The following RALGAPA1 variants were observed in gnomAD, a reference collection of about 807,000 sequenced individuals.
RALGAPA1 encodes the protein Ral GTPase activating protein catalytic subunit alpha 1.
Under a neutral mutation model 269.6 loss-of-function variants are expected in RALGAPA1, and 52 were observed. The observed-to-expected ratio is 0.19, with a 90% CI of 0.15 to 0.24. The LOEUF (loss-of-function observed/expected upper bound fraction) is 0.24, where lower values mean the gene tolerates loss of function less well. RALGAPA1 is among the 10% of genes least tolerant of loss of function. The pLI is 1.00. For synonymous variants in RALGAPA1, 817 were observed against 1,008.3 expected (o/e 0.81, Z 3.60); for missense variants, 1,917 against 3,013.9 (o/e 0.64, Z 8.52).
At chr14:35,601,781 G>A (rs2059305439) in intron 36 of RALGAPA1, among the ~76,000 whole-genome samples, 1 of 152,090 alleles carries the variant, frequency 6.6e-6, no homozygotes, top group South Asian at 2.1e-4. Flanking sequence ...AATGTCTTAT[G>A]CTTATTGTAC....
At chr14:35,707,269 T>C (rs2067892144) in intron 16 of RALGAPA1, 1 of 152,198 alleles carries the variant, frequency 6.6e-6, no homozygotes, top group Admixed American at 6.5e-5. Context: ...TAAATAATCA[T>C]GTCATCTACA....
intron 1 of RALGAPA1, among the ~76,000 whole-genome samples, chr14:35,796,182 C>A (rs1288994929): frequency 6.6e-6 from 1 of 151,886 alleles, no homozygotes; most frequent in East Asian, 1.9e-4. Flanking sequence ...TAAGAAGACA[C>A]ATAGATGATA....
intron 36 of RALGAPA1, among the ~76,000 whole-genome samples, chr14:35,598,817 T>C (rs1039763026): frequency 1.1e-4 from 17 of 152,230 alleles, no homozygotes; most frequent in Non-Finnish European, 2.2e-4. Context: ...AATTGGTACA[T>C]TTAGATCATT....
intron 13 of RALGAPA1, among the ~76,000 whole-genome samples, chr14:35,727,554 A>AT (rs2070080642): frequency 1.3e-5 from 2 of 151,914 alleles, no homozygotes; most frequent in African/African-American, 4.8e-5. Flanking sequence ...TTTCCAATCA[A>AT]TTAGACAACT....
At chr14:35,631,013 C>T (rs1363875692) in intron 33 of RALGAPA1, among the ~76,000 whole-genome samples, 2 of 152,044 alleles carry the variant, frequency 1.3e-5, no homozygotes, top group Non-Finnish European at 2.9e-5. Flanking sequence ...TTCAATCCTT[C>T]ATTTTTAAGA....
chr14:35,685,680 G>C (rs1260655121), intron 19 of RALGAPA1, among the ~76,000 whole-genome samples: 1 of 152,200 alleles, frequency 6.6e-6, no homozygotes, highest in Non-Finnish European at 1.5e-5. Flanking sequence ...GAGGTGGGCA[G>C]ATCACCTGAG....
rs1314216153 is a variant in RALGAPA1 at position 35,622,491 on chromosome 14, TACCCTAA to T, written c.6929+2863_6929+2869del. Among the ~76,000 whole-genome samples the T allele has an allele frequency of 5.9e-5, 9 of 152,314 alleles. No homozygotes were observed. In the East Asian group the frequency reaches 1.7e-3, roughly 29 times the overall value. On this transcript the variant is annotated intron_variant, in intron 35 of 41. Coordinates refer to ENST00000680220, the MANE Select transcript of RALGAPA1 (RefSeq NM_001346249.2). ...AACAAACCTGCACGTTGTGCACATG[TACCCTAA>T]AACTTAAAGTATAATACAAAAAAAG... is the stretch of plus-strand genomic sequence containing the variant.
Position 35,688,740 on chromosome 14 carries a change from C to T in RALGAPA1, c.3671G>A (p.Ser1224Asn). 6.8e-7 allele frequency: 1 copy of T among 1,464,700 alleles called. No individual in the cohort carries two copies. Among genetic ancestry groups the T allele is most frequent in the Non-Finnish European group, 9.0e-7 (1 of 1,114,990 alleles). 90.7% of individuals were successfully genotyped at this position (1,464,700 alleles called of 1,614,324 possible). A position where few individuals can be genotyped will look rare whatever the true frequency, so the allele number is the denominator to read the frequency against. The part of the protein sequence containing the change: ...PLDTLGTASV[S>N]SKTVKESTEI... The stretch of plus-strand genomic sequence containing the variant: ...TGTGGATTCCTTCACTGTTTTGCTG[C>T]TTACTGATGCAGTACCAAGTGTATC... Residue 1224 changes from serine to asparagine, a missense_variant, in exon 18 of 42, where the codon AGC becomes AAC. Ser to Asn is a conservative substitution (Grantham distance 46, BLOSUM62 1). Coordinates refer to ENST00000680220, the MANE Select transcript of RALGAPA1 (RefSeq NM_001346249.2).
intron 16 of RALGAPA1, among the ~76,000 whole-genome samples, chr14:35,703,692 T>C (rs1205364187): frequency 6.6e-6 from 1 of 152,214 alleles, no homozygotes; most frequent in Non-Finnish European, 1.5e-5. Flanking sequence ...ACTTAGTTAC[T>C]GACATTTCTA....
chr14:35,624,266 ATTTTCTGTAATAACCAAAT>A (rs756924824), intron 35 of RALGAPA1, among the ~76,000 whole-genome samples: 6 of 147,194 alleles, frequency 4.1e-5, no homozygotes, highest in Non-Finnish European at 7.5e-5. Context: ...TTTGTTTTAT[ATTTTCTGTAATAACCAAAT>A]AATTATTTTT....
rs912619616 is a variant in RALGAPA1 at position 35,723,148 on chromosome 14, C to T, written c.1983G>A (p.Glu661=). 6.2e-6 allele frequency: 10 copies of T among 1,611,980 alleles called. No individual in the cohort carries two copies. Among genetic ancestry groups the T allele is most frequent in the Non-Finnish European group, 8.5e-6 (10 of 1,178,248 alleles). The change falls in exon 15 of 42, where the codon GAG becomes GAA. Residue 661 remains glutamate (E), a synonymous_variant. Coordinates refer to ENST00000680220, the MANE Select transcript of RALGAPA1 (RefSeq NM_001346249.2). ...SLTYWEELAT[E]WSLTMETLTK... ...TTAATGTCTCCATAGTCAGTGACCA[C>T]TCAGTGGCCAACTCTTCCCAATAGG...
intron 33 of RALGAPA1, among the ~76,000 whole-genome samples, chr14:35,629,282 GGTGTGTGTGTGTGT>G (rs33989714): frequency 6.9e-6 from 1 of 145,292 alleles, no homozygotes; most frequent in African/African-American, 2.6e-5. Context: ...ATGTTTAGGG[GGTGTGTGTGTGTGT>G]GTGTGTGTGT....
At chr14:35,634,543 A>C (rs748009796) in intron 33 of RALGAPA1, 31 bp downstream of exon 33, 9 of 1,533,904 alleles carry the variant, frequency 5.9e-6, no homozygotes, top group East Asian at 2.3e-5. Context: ...AACCCAAGCA[A>C]CAATATTGTC....
chr14:35,600,038 AG>A (rs2059177794), intron 36 of RALGAPA1, among the ~76,000 whole-genome samples: 1 of 151,894 alleles, frequency 6.6e-6, no homozygotes, highest in African/African-American at 2.4e-5. Context: ...CACCAAATTT[AG>A]GAAGTTTTCA....
chr14:35,789,024 C>T (rs2075981732), intron 1 of RALGAPA1, among the ~76,000 whole-genome samples: 1 of 152,124 alleles, frequency 6.6e-6, no homozygotes, highest in Non-Finnish European at 1.5e-5. Flanking sequence ...AGATACACAT[C>T]TGCCCTCAGG....
At chr14:35,722,576 T>C (rs908180534) in intron 15 of RALGAPA1, among the ~76,000 whole-genome samples, 1 of 150,616 alleles carries the variant, frequency 6.6e-6, no homozygotes, top group Non-Finnish European at 1.5e-5. Flanking sequence ...TGTGCTACTA[T>C]ACTCTAGCCT....
intron 39 of RALGAPA1, among the ~76,000 whole-genome samples, chr14:35,566,436 G>A (rs1195489850): frequency 2.0e-5 from 3 of 151,946 alleles, no homozygotes; most frequent in Admixed American, 2.0e-4. Flanking sequence ...ATCTTAGTGA[G>A]TACTTTTATT....
chr14:35,647,034 T>A (rs555525487), intron 31 of RALGAPA1, among the ~76,000 whole-genome samples: 1 of 152,208 alleles, frequency 6.6e-6, no homozygotes, highest in Non-Finnish European at 1.5e-5. Context: ...TTGGCATCTA[T>A]CTGTCAATCA....
chr14:35,715,954 G>T (rs1595286780), intron 16 of RALGAPA1: 1 of 985,378 alleles, frequency 1.0e-6, no homozygotes, highest in African/African-American at 1.7e-5. Flanking sequence ...TTGCAAACCA[G>T]TGGTACGACG....
Sources: allele counts gnomAD v4.1 joint callset (sites outside exome capture counted in the v4.1 genomes callset), GRCh38; gene constraint gnomAD v4.1.1; transcripts MANE v1.5; gene names NCBI Gene and HGNC (gene_info 2026-07-23, HGNC 2026-07-21).